COL6A6: variants seen among roughly 807,000 people sequenced by gnomAD.
The protein encoded by COL6A6 is collagen alpha-6(VI) chain.
In COL6A6, 183 loss-of-function variants were observed where a neutral mutation model predicts 208.6. The ratio of observed to expected loss-of-function variants is 0.88; its 90% CI spans 0.78 to 0.99. The LOEUF is 0.99. Among genes scored for constraint, COL6A6 ranks in the 50% least tolerant of loss-of-function variants. The pLI is 0.00. For synonymous variants in COL6A6, 973 were observed against 1,011.8 expected, an observed-to-expected ratio of 0.96 and a Z score of 0.73; for missense variants, 2,816 against 2,815.2, an observed-to-expected ratio of 1.00 and a Z score of -0.01.
rs200356132 is a variant in COL6A6, at chr3:130,583,175, TTC to T, written c.3970+1116_3970+1117del. Among the ~76,000 whole-genome samples the T allele has an allele frequency of 3.3e-5, 5 of 152,242 alleles. No homozygotes were observed. In the East Asian group the frequency reaches 5.8e-4, roughly 18 times the overall value. On this transcript the variant is annotated intron_variant, in intron 10 of 36. Coordinates refer to ENST00000358511, the MANE Select transcript of COL6A6 (RefSeq NM_001102608.3). The stretch of plus-strand genomic sequence containing the variant: ...ACAGGACTTTGTCTTTTCTATTTTG[TTC>T]TCTCTCTCCAGTCTTCAACAAATTG...
chr3:130,622,242 A>C, intron 24 of COL6A6, among the ~76,000 whole-genome samples: 1 of 134,350 alleles, frequency 7.4e-6, no homozygotes, highest in Non-Finnish European at 1.5e-5. Flanking sequence ...CATTCACACA[A>C]ACTTTTGGTA....
chr3:130,664,971 T>C (rs185932624), intron 35 of COL6A6, 32 bp from the exon 36 acceptor site: 1,600 of 1,414,080 alleles, frequency 1.1e-3, no homozygotes, highest in Non-Finnish European at 1.5e-3. Flanking sequence ...CAGTCATGAA[T>C]ACAAGACTTA....
chr3:130,640,663 A>C (rs1355578775), intron 28 of COL6A6, among the ~76,000 whole-genome samples: 2 of 152,194 alleles, frequency 1.3e-5, no homozygotes, highest in African/African-American at 4.8e-5. Context: ...AGAAAGAAAT[A>C]TTCCAATTTT....
At chr3:130,590,630 C>T (rs1413078306) in intron 12 of COL6A6, among the ~76,000 whole-genome samples, 2 of 151,882 alleles carry the variant, frequency 1.3e-5, no homozygotes, top group Admixed American at 6.6e-5. Context: ...TGCAGTGGTG[C>T]GATCTCGGCT....
rs74893697 is a variant in COL6A6, at chr3:130,626,544, G to A, written c.4938G>A (p.Leu1646=). ...TTGGCTTTCCTGGTCCTCGTGGCTT[G>A]CAGGTTTGTATTTTGACACTAGTTT... ...GAVGFPGPRG[L]QGNDGSPGYG... The change falls in exon 25 of 37, where the codon TTG becomes TTA. Residue 1646 remains leucine (L), a synonymous_variant. Transcript: ENST00000358511. The A allele has an allele frequency of 2.5e-6, 4 of 1,611,238 alleles. No homozygotes were observed. In the Admixed American group the frequency reaches 6.7e-5, roughly 27 times the overall value.
At position 130,522,256 on chromosome 3, in the gene COL6A6, T is replaced by C. The variant is rs555051492; in HGVS notation, c.-32+4859T>C. On this transcript the variant is annotated intron_variant, in intron 1 of 36. Coordinates refer to ENST00000358511, the MANE Select transcript of COL6A6 (RefSeq NM_001102608.3). Reference sequence around the variant, plus strand: ...GGTGTCTTGTTTAACTTGTATCTTATTGGTCATAACTGGATCCTAAATTCT... The same window carrying C: ...GGTGTCTTGTTTAACTTGTATCTTACTGGTCATAACTGGATCCTAAATTCT... 4.6e-5 allele frequency among the ~76,000 whole-genome samples: 7 copies of C among 152,330 alleles called. No homozygotes were observed. In the East Asian group the frequency reaches 5.8e-4, roughly 13 times the overall value.
chr3:130,567,968 G>T (rs2063068772), intron 5 of COL6A6, 79 bp from the exon 6 acceptor site: 1 of 1,011,676 alleles, frequency 9.9e-7, no homozygotes, highest in Non-Finnish European at 1.5e-6. Context: ...AAAATTATTT[G>T]TGTTTTGGAT....
In COL6A6 at chr3:130,568,638, C is replaced by T. The variant is rs73868912; in HGVS notation, c.2401+34C>T. The stretch of plus-strand genomic sequence containing the variant: ...GGGCATACTCACTAGCAGGACTATC[C>T]GAACAACAGATGTCTTTTTTAGCCT... On this transcript the variant is annotated intron_variant, in intron 6 of 36. Transcript: ENST00000358511. 12,933 of 1,496,798 alleles carry T rather than the reference C, an allele frequency of 8.6e-3. 871 individuals carry two copies. The African/African-American group carries it at 0.15, about 18-fold the overall frequency. 92.7% of individuals were successfully genotyped at this position (1,496,798 alleles called of 1,614,324 possible). A position where few individuals can be genotyped will look rare whatever the true frequency, so the allele number is the denominator to read the frequency against.
chr3:130,654,459 G>A (rs2065733851), intron 33 of COL6A6, among the ~76,000 whole-genome samples: 1 of 152,220 alleles, frequency 6.6e-6, no homozygotes. Context: ...ACATTGCAAA[G>A]AGACACCTCT....
chr3:130,554,754 A>AG (rs1316194574), intron 1 of COL6A6, among the ~76,000 whole-genome samples: 1 of 152,130 alleles, frequency 6.6e-6, no homozygotes, highest in Non-Finnish European at 1.5e-5. Flanking sequence ...AAAGTGATGC[A>AG]GGGGGTGGCC....
intron 23 of COL6A6, among the ~76,000 whole-genome samples, chr3:130,616,558 A>AG (rs1484037670): frequency 6.6e-6 from 1 of 151,504 alleles, no homozygotes; most frequent in Non-Finnish European, 1.5e-5. Context: ...GCCTGAAAAA[A>AG]AAAAAAAAAA....
Position 130,594,655 on chromosome 3 carries a change from A to G in COL6A6, c.4533+312A>G, listed in dbSNP as rs143905852. Reference sequence around the variant, plus strand: ...ATCTTCCAAGCACCTCAAAATACAAACACAATGACAGAAAGAAAGCCATGT... The same window carrying G: ...ATCTTCCAAGCACCTCAAAATACAAGCACAATGACAGAAAGAAAGCCATGT... On this transcript the variant is annotated intron_variant, in intron 18 of 36. Transcript: ENST00000358511. 2.8e-3 allele frequency among the ~76,000 whole-genome samples: 432 copies of G among 152,342 alleles called. 6 individuals are homozygous for G. In the Middle Eastern group the frequency reaches 0.034, roughly 12 times the overall value.
chr3:130,593,332 C>A, intron 17 of COL6A6, 80 bp downstream of exon 17: 2 of 1,081,410 alleles, frequency 1.8e-6, no homozygotes, highest in Non-Finnish European at 2.8e-6. Flanking sequence ...ACTCAGTCAG[C>A]TATTGCTACA....
intron 27 of COL6A6, among the ~76,000 whole-genome samples, chr3:130,635,354 T>C (rs1042467659): frequency 6.6e-6 from 1 of 152,236 alleles, no homozygotes; most frequent in Non-Finnish European, 1.5e-5. Flanking sequence ...TAGTTAGCAA[T>C]GACATCTTCT....
intron 8 of COL6A6, among the ~76,000 whole-genome samples, chr3:130,576,158 T>C (rs905462615): frequency 3.3e-5 from 5 of 152,164 alleles, no homozygotes; most frequent in Admixed American, 3.3e-4. Context: ...GATTGCCTCT[T>C]CTTTGTAGGG....
At chr3:130,604,090 A>T (rs1307536931) in intron 20 of COL6A6, among the ~76,000 whole-genome samples, 2 of 152,214 alleles carry the variant, frequency 1.3e-5, no homozygotes, top group Non-Finnish European at 2.9e-5. Context: ...CATATAAAAC[A>T]CTTGAAAATT....
At chr3:130,542,998 C>T (rs1173977053) in intron 1 of COL6A6, among the ~76,000 whole-genome samples, 4 of 150,612 alleles carry the variant, frequency 2.7e-5, no homozygotes, top group Admixed American at 6.6e-5. Context: ...CTCCGCCTCC[C>T]GGGTTCAAGG....
At chr3:130,618,178 C>T (rs574262039) in intron 23 of COL6A6, among the ~76,000 whole-genome samples, 1 of 152,190 alleles carries the variant, frequency 6.6e-6, no homozygotes, top group African/African-American at 2.4e-5. Context: ...CACACAAGGG[C>T]CTCAGAGCAG....
rs2066372735 is a variant in COL6A6 at position 130,676,902 on chromosome 3, T to TA, written c.*1506dup. On this transcript the variant is annotated 3_prime_UTR_variant, in exon 37 of 37. Transcript: ENST00000358511. ...GTACAGGAAATTAATGAGCAATATT[T>TA]ACAATGTATTTTAATAAAAGGGATT... 6.6e-6 allele frequency: 1 copy of TA among 152,242 alleles called. No individual in the cohort carries two copies. Among genetic ancestry groups the TA allele is most frequent in the Non-Finnish European group, 1.5e-5 (1 of 68,040 alleles). The allele number at this position is 152,242 out of a possible 1,614,324, so 9.4% of individuals were successfully genotyped here.
Sources: gnomAD v4.1 joint callset for allele counts (sites outside exome capture counted in the v4.1 genomes callset) on GRCh38, gnomAD v4.1.1 for gene constraint, MANE v1.5 for transcripts, NCBI Gene and HGNC (gene_info 2026-07-23, HGNC 2026-07-21) for gene names.